Variants in FBXL17 observed in about 807,000 individuals in gnomAD.
FBXL17 encodes the protein F-box and leucine rich repeat protein 17.
In FBXL17, 22 loss-of-function variants were observed where a neutral mutation model predicts 66.2. The ratio of observed to expected loss-of-function variants is 0.33; its 90% CI spans 0.24 to 0.47. The LOEUF is 0.47. FBXL17 is among the 20% of genes least tolerant of loss of function. FBXL17 has a pLI of 1.00. For synonymous variants in FBXL17, 474 were observed against 400.5 expected, an observed-to-expected ratio of 1.18 and a Z score of -2.19; for missense variants, 878 against 948.2, an observed-to-expected ratio of 0.93 and a Z score of 0.97.
intron 6 of FBXL17, among the ~76,000 whole-genome samples, chr5:108,177,755 T>G (rs183937032): frequency 1.3e-4 from 19 of 151,956 alleles, no homozygotes; most frequent in Non-Finnish European, 2.6e-4. Flanking sequence ...TGGGCCTTAA[T>G]TCCTTTGTTT....
chr5:108,125,481 G>C (rs1750662098), intron 6 of FBXL17, among the ~76,000 whole-genome samples: 1 of 152,038 alleles, frequency 6.6e-6, no homozygotes, highest in African/African-American at 2.4e-5. Context: ...GTTAACACTT[G>C]TATCAGCTAG....
chr5:108,213,601 C>A (rs1754471915), intron 5 of FBXL17, among the ~76,000 whole-genome samples: 1 of 152,148 alleles, frequency 6.6e-6, no homozygotes, highest in Non-Finnish European at 1.5e-5. Context: ...CTTCAGCTTG[C>A]CCTCCATGGG....
At chr5:108,025,861 G>T (rs1254747441) in intron 6 of FBXL17, among the ~76,000 whole-genome samples, 2 of 152,014 alleles carry the variant, frequency 1.3e-5, no homozygotes, top group Non-Finnish European at 2.9e-5. Context: ...TAATTCATAC[G>T]TGGGTCATTT....
intron 6 of FBXL17, among the ~76,000 whole-genome samples, chr5:108,153,850 T>G (rs1377679141): frequency 1.3e-5 from 2 of 152,184 alleles, no homozygotes; most frequent in African/African-American, 4.8e-5. Flanking sequence ...AAACTGTTTT[T>G]AAAACATCCA....
chr5:107,991,611 T>C (rs1439522683), intron 7 of FBXL17, among the ~76,000 whole-genome samples: 1 of 152,242 alleles, frequency 6.6e-6, no homozygotes, highest in East Asian at 1.9e-4. Context: ...ACTGTGTTCT[T>C]GCCCAGGCAG....
intron 4 of FBXL17, among the ~76,000 whole-genome samples, chr5:108,265,883 A>G (rs575159290): frequency 1.4e-4 from 22 of 152,160 alleles, no homozygotes; most frequent in Non-Finnish European, 2.8e-4. Flanking sequence ...TATACTGCCC[A>G]TCCTCAGATC....
rs1484617007 is a variant in FBXL17 at position 108,380,013 on chromosome 5, C to T, written c.993+686G>A. On this transcript the variant is annotated intron_variant, in intron 1 of 8. Transcript: ENST00000542267. ...AAATTCCCTCATTCAAGACCTAGAT[C>T]TACCCTTTACTTTCTGTATGTGACC... Among the ~76,000 whole-genome samples, 4 of 152,168 alleles carry T rather than the reference C, an allele frequency of 2.6e-5. No individual in the cohort carries two copies. The South Asian group carries it at 6.2e-4, about 24-fold the overall frequency.
At chr5:107,876,111 C>T (rs2112494382) in intron 8 of FBXL17, among the ~76,000 whole-genome samples, 1 of 152,224 alleles carries the variant, frequency 6.6e-6, no homozygotes, top group Middle Eastern at 3.4e-3. Flanking sequence ...CTCTACTGGC[C>T]AAGAAGAAAA....
intron 7 of FBXL17, among the ~76,000 whole-genome samples, chr5:107,913,671 C>T: frequency 6.6e-6 from 1 of 152,136 alleles, no homozygotes; most frequent in East Asian, 1.9e-4. Flanking sequence ...GAAAGGAGCA[C>T]ACTCTAACGC....
At chr5:108,214,811 A>G (rs1041780777) in intron 5 of FBXL17, among the ~76,000 whole-genome samples, 8 of 152,204 alleles carry the variant, frequency 5.3e-5, no homozygotes, top group African/African-American at 1.9e-4. Flanking sequence ...AGTCATCCTC[A>G]TAAATTGTAC....
rs575860231 is a variant in FBXL17, at chr5:108,161,379, G to A, written c.1745+24738C>T. 8.3e-4 allele frequency among the ~76,000 whole-genome samples: 127 copies of A among 152,210 alleles called. 1 individual carries two copies. The highest frequency in any genetic ancestry group is 3.0e-3 in the African/African-American group (123 of 41,514). ...TGTGTGCCTGTAGTCCCAGCTACTC[G>A]GGAGGCTGAGGCAGGAGAATTGCTT... is the stretch of plus-strand genomic sequence containing the variant. On this transcript the variant is annotated intron_variant, in intron 6 of 8. Transcript: ENST00000542267.
intron 4 of FBXL17, among the ~76,000 whole-genome samples, chr5:108,268,819 A>C (rs752224201): frequency 6.6e-6 from 1 of 152,024 alleles, no homozygotes; most frequent in African/African-American, 2.4e-5. Flanking sequence ...ACCATCTTAG[A>C]GTTTTTAAGC....
chr5:107,969,161 TA>T (rs1752267505), intron 7 of FBXL17, among the ~76,000 whole-genome samples: 1 of 152,112 alleles, frequency 6.6e-6, no homozygotes, highest in Admixed American at 6.6e-5. Flanking sequence ...CCGGAAAACT[TA>T]AAACATTTAC....
At chr5:108,266,655 T>C (rs1757057783) in intron 4 of FBXL17, among the ~76,000 whole-genome samples, 1 of 151,984 alleles carries the variant, frequency 6.6e-6, no homozygotes, top group African/African-American at 2.4e-5. Flanking sequence ...AAGAAAAAAA[T>C]GGTATACTGA....
chr5:108,272,422 C>T (rs1388656631), intron 4 of FBXL17, among the ~76,000 whole-genome samples: 1 of 151,112 alleles, frequency 6.6e-6, no homozygotes, highest in Non-Finnish European at 1.5e-5. Flanking sequence ...GGCACAATCT[C>T]GGCTCACTGT....
At chr5:108,245,794 A>G (rs765764282) in intron 4 of FBXL17, among the ~76,000 whole-genome samples, 7 of 152,216 alleles carry the variant, frequency 4.6e-5, no homozygotes, top group Admixed American at 6.5e-5. Flanking sequence ...AGAAGGTCAG[A>G]AAGGGCAGAG....
At chr5:108,256,603 T>C (rs10477419) in intron 4 of FBXL17, among the ~76,000 whole-genome samples, 44,229 of 151,938 alleles carry the variant, frequency 0.29, 6,716 homozygotes, top group South Asian at 0.44. Context: ...TTTTAGGCAT[T>C]TGACTTTTCA....
chr5:108,074,449 G>A (rs926810339), intron 6 of FBXL17, among the ~76,000 whole-genome samples: 1 of 150,212 alleles, frequency 6.7e-6, no homozygotes, highest in Admixed American at 6.7e-5. Flanking sequence ...TATTTTTTTA[G>A]GTGCCCAAAT....
intron 4 of FBXL17, among the ~76,000 whole-genome samples, chr5:108,236,603 A>C (rs1157508253): frequency 6.6e-6 from 1 of 152,160 alleles, no homozygotes; most frequent in Non-Finnish European, 1.5e-5. Context: ...ATCAATGACA[A>C]TGTGGAAGAA....
Sources: allele counts gnomAD v4.1 joint callset (sites outside exome capture counted in the v4.1 genomes callset), GRCh38; gene constraint gnomAD v4.1.1; transcripts MANE v1.5; gene names NCBI Gene and HGNC (gene_info 2026-07-23, HGNC 2026-07-21).